The following ELMO1 variants were observed in gnomAD, a reference collection of about 807,000 sequenced individuals.
The protein encoded by ELMO1 is engulfment and cell motility 1.
Under a neutral mutation model 98.9 loss-of-function variants are expected in ELMO1, and 26 were observed. The ratio of observed to expected loss-of-function variants is 0.26; its 90% confidence interval spans 0.19 to 0.36. The LOEUF is 0.36. ELMO1 is among the 10% of genes least tolerant of loss of function. ELMO1 has a pLI of 1.00. For synonymous variants in ELMO1, 346 were observed against 346.0 expected (o/e 1.00, Z 0.00); for missense variants, 627 against 935.2 (o/e 0.67, Z 4.30).
intron 15 of ELMO1, among the ~76,000 whole-genome samples, chr7:37,059,306 G>T (rs1314540425): frequency 1.3e-5 from 2 of 152,180 alleles, no homozygotes; most frequent in Non-Finnish European, 2.9e-5. Context: ...AAGAGTGGAA[G>T]ATTAAAATTA....
At chr7:37,396,263 T>C (rs761968948) in intron 1 of ELMO1, among the ~76,000 whole-genome samples, 6 of 152,036 alleles carry the variant, frequency 3.9e-5, no homozygotes, top group Non-Finnish European at 8.8e-5. Context: ...TTAAATTGCA[T>C]AAAGCAGCCT....
chr7:36,909,956 C>T (rs1784228753), intron 16 of ELMO1, among the ~76,000 whole-genome samples: 1 of 152,106 alleles, frequency 6.6e-6, no homozygotes, highest in South Asian at 2.1e-4. Context: ...TGAGTTACAA[C>T]TGAAGATCAA....
intron 14 of ELMO1, among the ~76,000 whole-genome samples, chr7:37,131,176 C>A (rs1786895458): frequency 1.3e-5 from 2 of 151,908 alleles, no homozygotes; most frequent in African/African-American, 4.8e-5. Flanking sequence ...CCTTAGCTTT[C>A]TATCTAGTAA....
chr7:36,987,249 C>G (rs923378123), intron 16 of ELMO1, among the ~76,000 whole-genome samples: 2 of 152,056 alleles, frequency 1.3e-5, no homozygotes, highest in African/African-American at 4.8e-5. Context: ...GGTTGCATGA[C>G]TAGAATTAAT....
intron 14 of ELMO1, among the ~76,000 whole-genome samples, chr7:37,120,107 G>C (rs955511856): frequency 2.0e-5 from 3 of 152,242 alleles, no homozygotes; most frequent in African/African-American, 4.8e-5. Flanking sequence ...TGTTGAGTAG[G>C]ATTTTATCAA....
intron 2 of ELMO1, among the ~76,000 whole-genome samples, chr7:37,328,296 T>A (rs905616898): frequency 1.4e-5 from 2 of 141,612 alleles, no homozygotes; most frequent in African/African-American, 5.3e-5. Context: ...AGTGAGAGGA[T>A]CACTTGAACC....
At chr7:37,203,724 C>CCTTTG (rs1792430269) in intron 13 of ELMO1, among the ~76,000 whole-genome samples, 1 of 152,090 alleles carries the variant, frequency 6.6e-6, no homozygotes. Context: ...GGCATTAGGA[C>CCTTTG]CCAGGCGGCA....
chr7:37,301,186 T>C (rs1277791505), intron 4 of ELMO1, among the ~76,000 whole-genome samples: 1 of 151,562 alleles, frequency 6.6e-6, no homozygotes, highest in South Asian at 2.1e-4. Context: ...ATAAAGGAGA[T>C]GGTAGTGAGG....
intron 11 of ELMO1, among the ~76,000 whole-genome samples, chr7:37,216,135 CT>C (rs55829266): frequency 0.29 from 41,268 of 143,714 alleles, 6,238 homozygotes; most frequent in African/African-American, 0.41. Flanking sequence ...ACACTTAGGG[CT>C]TTTTTTTTTT....
At chr7:37,227,931 G>A (rs781603907) in intron 8 of ELMO1, among the ~76,000 whole-genome samples, 23 of 152,032 alleles carry the variant, frequency 1.5e-4, no homozygotes, top group Admixed American at 1.1e-3. Context: ...CATGTTCCTA[G>A]TAATTCACCT....
intron 14 of ELMO1, among the ~76,000 whole-genome samples, chr7:37,111,145 C>G (rs188413502): frequency 6.6e-6 from 1 of 152,236 alleles, no homozygotes; most frequent in East Asian, 1.9e-4. Flanking sequence ...GGCTCTTGGT[C>G]CAGCTCTGCG....
chr7:37,397,679 T>C (rs1803355082), intron 1 of ELMO1, among the ~76,000 whole-genome samples: 1 of 152,242 alleles, frequency 6.6e-6, no homozygotes, highest in Non-Finnish European at 1.5e-5. Context: ...TAAATCATTC[T>C]ATTACAAAAA....
intron 15 of ELMO1, among the ~76,000 whole-genome samples, chr7:37,094,989 A>G (rs867144826): frequency 6.6e-6 from 1 of 152,222 alleles, no homozygotes; most frequent in Non-Finnish European, 1.5e-5. Flanking sequence ...GCAAAGGAGA[A>G]GAGCAGATAG....
At chr7:37,192,495 C>A (rs2130176961) in intron 13 of ELMO1, among the ~76,000 whole-genome samples, 1 of 70,752 alleles carries the variant, frequency 1.4e-5, no homozygotes, top group African/African-American at 5.3e-5. Flanking sequence ...AAGACTCCAT[C>A]TCAAAAAAAA....
intron 16 of ELMO1, among the ~76,000 whole-genome samples, chr7:36,904,618 G>T (rs759939353): frequency 6.6e-6 from 1 of 152,310 alleles, no homozygotes; most frequent in South Asian, 2.1e-4. Context: ...AAGGCTCAAG[G>T]CATCTTTATA....
chr7:37,433,717 G>T (rs906242301), intron 1 of ELMO1, among the ~76,000 whole-genome samples: 3 of 152,108 alleles, frequency 2.0e-5, no homozygotes, highest in Non-Finnish European at 4.4e-5. Context: ...GGTGCCTCAA[G>T]GAAAGCCCCC....
At chr7:37,004,119 G>A (rs1792881200) in intron 16 of ELMO1, among the ~76,000 whole-genome samples, 1 of 151,930 alleles carries the variant, frequency 6.6e-6, no homozygotes, top group Admixed American at 6.6e-5. Context: ...CCACCTAATG[G>A]TACCCTTCTT....
chr7:36,980,771 A>G (rs953325464), intron 16 of ELMO1, among the ~76,000 whole-genome samples: 1 of 152,300 alleles, frequency 6.6e-6, no homozygotes, highest in East Asian at 1.9e-4. Flanking sequence ...CCAAATCACT[A>G]ATTTCCATTC....
At chr7:37,352,766 A>G (rs1249136391) in intron 1 of ELMO1, among the ~76,000 whole-genome samples, 1 of 152,232 alleles carries the variant, frequency 6.6e-6, no homozygotes, top group African/African-American at 2.4e-5. Context: ...AGAGAACAGT[A>G]AAACTTCTAT....
Sources: gnomAD v4.1 joint callset for allele counts (sites outside exome capture counted in the v4.1 genomes callset) on GRCh38, gnomAD v4.1.1 for gene constraint, MANE v1.5 for transcripts, NCBI Gene and HGNC (gene_info 2026-07-23, HGNC 2026-07-21) for gene names.